MED12L: variants seen among roughly 807,000 people sequenced by gnomAD.
The protein encoded by MED12L is mediator of RNA polymerase II transcription subunit 12-like protein.
A neutral mutation model predicts 281.3 loss-of-function variants in MED12L; 60 were observed. The ratio of observed to expected loss-of-function variants is 0.21; its 90% CI spans 0.17 to 0.26. The LOEUF (loss-of-function observed/expected upper bound fraction) is 0.26, where lower values mean the gene tolerates loss of function less well. Ranked by LOEUF, MED12L falls within the 10% of genes least tolerant of loss-of-function variation. MED12L has a pLI of 1.00. For missense variants in MED12L, 2,146 were observed against 2,680.9 expected (o/e 0.80, Z 4.41); for synonymous variants, 974 against 987.2 (o/e 0.99, Z 0.25).
intron 43 of MED12L, among the ~76,000 whole-genome samples, chr3:151,424,641 A>G (rs929293150): frequency 6.6e-6 from 1 of 152,030 alleles, no homozygotes; most frequent in African/African-American, 2.4e-5. Context: ...AAACAAAACA[A>G]AACAAAAAAA....
chr3:151,201,634 CCTG>C (rs1725608706), intron 16 of MED12L, among the ~76,000 whole-genome samples: 1 of 152,184 alleles, frequency 6.6e-6, no homozygotes, highest in African/African-American at 2.4e-5. Flanking sequence ...ATTCCTGAAT[CCTG>C]CTTATTCCAG....
intron 16 of MED12L, among the ~76,000 whole-genome samples, chr3:151,345,564 C>G (rs1490761024): frequency 1.4e-5 from 2 of 143,856 alleles, no homozygotes; most frequent in Non-Finnish European, 3.0e-5. Flanking sequence ...GTCACCCAGG[C>G]TGGAGTGCAA....
chr3:151,123,047 A>G, intron 4 of MED12L, 73 bp downstream of exon 4: 2 of 1,292,604 alleles, frequency 1.5e-6, no homozygotes, highest in East Asian at 2.5e-5. Flanking sequence ...TCAAGTATAT[A>G]TTTGTTTTTC....
In MED12L at chr3:151,394,818, A is replaced by G; in HGVS notation, c.5771A>G (p.Gln1924Arg). ...QLIQMKLLQQ[Q>R]QQQRLLRQAQ... ...ATACAGATGAAGCTTCTGCAGCAGC[A>G]GCAGCAACAGCGACTTCTCAGGCAA... The change falls in exon 39 of 45, where the codon CAG (glutamine) becomes CGG (arginine). Residue 1924 changes from glutamine (Q) to arginine (R), a missense_variant. Gln to Arg is a conservative substitution (Grantham distance 43). Around this residue, in one of 9 missense-constraint regions of MED12L, gnomAD observed 496 missense variants for 512.0 expected, o/e 0.97. Coordinates refer to ENST00000687756, the MANE Select transcript of MED12L (RefSeq NM_001393769.1). The G allele has an allele frequency of 1.2e-6, 2 of 1,614,238 alleles. No individual in the cohort carries two copies. The highest frequency in any genetic ancestry group is 1.7e-6 in the Non-Finnish European group (2 of 1,180,040).
chr3:151,409,619 A>G (rs1046351377), intron 40 of MED12L, among the ~76,000 whole-genome samples: 3 of 152,140 alleles, frequency 2.0e-5, no homozygotes, highest in Admixed American at 6.6e-5. Flanking sequence ...TCCCAGAGTT[A>G]CTTCTTTTAT....
intron 16 of MED12L, among the ~76,000 whole-genome samples, chr3:151,293,114 T>C (rs1304865557): frequency 1.3e-5 from 2 of 151,366 alleles, no homozygotes; most frequent in Non-Finnish European, 2.9e-5. Context: ...CTGACTTAGA[T>C]AGAGTAAGAC....
chr3:151,352,726 T>A (rs1357477093), intron 17 of MED12L, among the ~76,000 whole-genome samples: 4 of 152,234 alleles, frequency 2.6e-5, no homozygotes, highest in Non-Finnish European at 5.9e-5. Context: ...TCCAGTTGAA[T>A]GATCAAAGTT....
intron 16 of MED12L, among the ~76,000 whole-genome samples, chr3:151,289,389 C>T (rs372221007): frequency 1.3e-4 from 20 of 152,306 alleles, no homozygotes; most frequent in East Asian, 1.2e-3. Context: ...AAAAGATACT[C>T]ACTCTGTATT....
At chr3:151,245,618 T>G (rs1382743381) in intron 16 of MED12L, among the ~76,000 whole-genome samples, 28 of 147,324 alleles carry the variant, frequency 1.9e-4, no homozygotes, top group Middle Eastern at 3.2e-3. Context: ...TGGGATGTAT[T>G]TCAAAATAAT....
At chr3:151,186,990 T>C (rs183441611) in intron 12 of MED12L, among the ~76,000 whole-genome samples, 1 of 152,320 alleles carries the variant, frequency 6.6e-6, no homozygotes, top group African/African-American at 2.4e-5. Flanking sequence ...TACACCTCCT[T>C]CTTGTGAAGC....
At chr3:151,246,099 C>T (rs1315024340) in intron 16 of MED12L, among the ~76,000 whole-genome samples, 1 of 151,792 alleles carries the variant, frequency 6.6e-6, no homozygotes, top group Non-Finnish European at 1.5e-5. Flanking sequence ...AACTACAAAC[C>T]ACTGCTCAAG....
chr3:151,385,646 G>GT (rs1713195120), intron 36 of MED12L, among the ~76,000 whole-genome samples: 1 of 151,086 alleles, frequency 6.6e-6, no homozygotes, highest in Non-Finnish European at 1.5e-5. Flanking sequence ...AGGCTGCAAT[G>GT]TGCTAGGCTC....
chr3:151,309,530 C>A (rs1399655283), intron 16 of MED12L, among the ~76,000 whole-genome samples: 1 of 152,164 alleles, frequency 6.6e-6, no homozygotes, highest in Admixed American at 6.5e-5. Flanking sequence ...CCCTCCTTAC[C>A]TTGCATTTTA....
At chr3:151,179,136 T>C (rs1260386290) in intron 11 of MED12L, among the ~76,000 whole-genome samples, 1 of 152,068 alleles carries the variant, frequency 6.6e-6, no homozygotes, top group African/African-American at 2.4e-5. Context: ...GGTCAGGAGA[T>C]CTAGACCAGT....
chr3:151,189,149 G>T (rs1723640801), intron 13 of MED12L, among the ~76,000 whole-genome samples: 1 of 152,180 alleles, frequency 6.6e-6, no homozygotes, highest in Admixed American at 6.5e-5. Context: ...GCAATAGAAA[G>T]AGGGAGAAAA....
At chr3:151,100,798 G>A (rs1048658893) in intron 2 of MED12L, among the ~76,000 whole-genome samples, 3 of 152,114 alleles carry the variant, frequency 2.0e-5, no homozygotes, top group Non-Finnish European at 4.4e-5. Context: ...TTGACTAATT[G>A]AAATGTTTTT....
At chr3:151,327,870 C>T (rs1749833695) in intron 16 of MED12L, 2 of 714,110 alleles carry the variant, frequency 2.8e-6, no homozygotes, top group Non-Finnish European at 4.6e-6. Context: ...CTTTTCTGTA[C>T]ACGAGGATAA....
At chr3:151,192,510 A>G (rs988770191) in intron 14 of MED12L, 40 bp from the exon 15 acceptor site, 1 of 1,413,790 alleles carries the variant, frequency 7.1e-7, no homozygotes, top group Non-Finnish European at 9.7e-7. Context: ...GATGAACTCC[A>G]AAACTTACAA....
chr3:151,416,428 G>A lies in MED12L; in HGVS notation c.6408+6G>A, dbSNP rs570499585. On this transcript the variant is annotated splice_donor_region_variant and intron_variant, in intron 43 of 44. Coordinates refer to ENST00000687756, the MANE Select transcript of MED12L (RefSeq NM_001393769.1). ...TGCAGCCCCAGCAGCCCTTGGTAAG[G>A]CCTGTTGTTTTGGAATCAGACATGT... 1.9e-6 allele frequency: 3 copies of A among 1,613,356 alleles called. No individual in the cohort carries two copies. Among genetic ancestry groups the A allele is most frequent in the South Asian group, 1.1e-5 (1 of 90,960 alleles).
Sources: gnomAD v4.1 joint callset for allele counts (sites outside exome capture counted in the v4.1 genomes callset) on GRCh38, gnomAD v4.1.1 for gene constraint, gnomAD v4.1.1 regional missense constraint, MANE v1.5 for transcripts, NCBI Gene and HGNC (gene_info 2026-07-23, HGNC 2026-07-21) for gene names.